LHFPL3: variants seen among roughly 807,000 people sequenced by gnomAD.
The protein encoded by LHFPL3 is LHFPL tetraspan subfamily member 3.
In LHFPL3, 5 loss-of-function variants were observed where a neutral mutation model predicts 19.3. The ratio of observed to expected loss-of-function variants is 0.26; its 90% CI spans 0.14 to 0.54. The LOEUF (loss-of-function observed/expected upper bound fraction) is 0.54, where lower values mean the gene tolerates loss of function less well. LHFPL3 is among the 20% of genes least tolerant of loss of function. LHFPL3 has a pLI of 0.94. For missense variants in LHFPL3, 249 were observed against 307.4 expected (o/e 0.81, Z 1.42); for synonymous variants, 133 against 126.2 (o/e 1.05, Z -0.36).
intron 2 of LHFPL3, among the ~76,000 whole-genome samples, chr7:104,772,015 T>C (rs949614329): frequency 1.3e-5 from 2 of 151,908 alleles, no homozygotes; most frequent in Admixed American, 6.6e-5. Context: ...AAAAGAGGTT[T>C]CACCATGTTG....
chr7:104,344,015 AATTAG>A (rs1438797789), intron 1 of LHFPL3, among the ~76,000 whole-genome samples: 3 of 152,128 alleles, frequency 2.0e-5, no homozygotes, highest in Admixed American at 6.6e-5. Context: ...TGCAAATACT[AATTAG>A]ATTAAAGGAG....
chr7:104,424,983 T>TAAAAAAAAAAAAAAAAAAAAAAAAAAA (rs71153196), intron 1 of LHFPL3, among the ~76,000 whole-genome samples: 4 of 65,188 alleles, frequency 6.1e-5, no homozygotes, highest in African/African-American at 2.6e-4. Flanking sequence ...CTCCATCTCA[T>TAAAAAAAAAAAAAAAAAAAAAAAAAAA]AAAAAAAAAA....
intron 1 of LHFPL3, among the ~76,000 whole-genome samples, chr7:104,555,160 T>G (rs1349816380): frequency 6.6e-6 from 1 of 152,184 alleles, no homozygotes; most frequent in Non-Finnish European, 1.5e-5. Flanking sequence ...GCTATCTAGG[T>G]ATCCATTAAG....
At chr7:104,575,116 G>A (rs12667073) in intron 1 of LHFPL3, among the ~76,000 whole-genome samples, 29,430 of 152,116 alleles carry the variant, frequency 0.19, 3,543 homozygotes, top group South Asian at 0.37. Context: ...GAAGACTAAA[G>A]AGGTTAAGAA....
intron 1 of LHFPL3, among the ~76,000 whole-genome samples, chr7:104,392,170 C>T (rs1791086095): frequency 6.6e-6 from 1 of 152,008 alleles, no homozygotes; most frequent in South Asian, 2.1e-4. Context: ...GATTGAATAC[C>T]CTTTATTTCT....
At chr7:104,361,961 G>A (rs1790396629) in intron 1 of LHFPL3, among the ~76,000 whole-genome samples, 1 of 152,220 alleles carries the variant, frequency 6.6e-6, no homozygotes, top group African/African-American at 2.4e-5. Context: ...CTTTTAAAGG[G>A]TTGGCATTAC....
rs575518725 is a variant in LHFPL3, at chr7:104,588,421, G to T, written c.446-148254G>T. ...TTGTCAGGTTTGTCAAAGATCAGAT[G>T]GTTGTAGATGTGTGGTATTATTTCT... On this transcript the variant is annotated intron_variant, in intron 1 of 2. Coordinates refer to ENST00000424859, the MANE Select transcript of LHFPL3 (RefSeq NM_199000.3). Among the ~76,000 whole-genome samples the T allele has an allele frequency of 9.9e-5, 15 of 152,232 alleles. No homozygotes were observed. The East Asian group carries it at 1.7e-3, about 18-fold the overall frequency.
intron 1 of LHFPL3, among the ~76,000 whole-genome samples, chr7:104,502,259 A>T (rs1456319712): frequency 1.3e-5 from 2 of 152,204 alleles, no homozygotes; most frequent in African/African-American, 4.8e-5. Flanking sequence ...CACCTGAAAG[A>T]GTTAAAATTT....
chr7:104,571,879 T>C (rs1272520636), intron 1 of LHFPL3, among the ~76,000 whole-genome samples: 1 of 152,206 alleles, frequency 6.6e-6, no homozygotes, highest in African/African-American at 2.4e-5. Flanking sequence ...CATTCTATTT[T>C]GGCAAAATCT....
intron 1 of LHFPL3, among the ~76,000 whole-genome samples, chr7:104,491,022 C>G (rs906176333): frequency 6.6e-6 from 1 of 152,162 alleles, no homozygotes; most frequent in Admixed American, 6.5e-5. Flanking sequence ...ATCTTGGAAT[C>G]TAGATCTCAA....
chr7:104,342,959 G>T (rs1182910568), intron 1 of LHFPL3, among the ~76,000 whole-genome samples: 1 of 151,428 alleles, frequency 6.6e-6, no homozygotes, highest in Non-Finnish European at 1.5e-5. Context: ...ATTTCATAAG[G>T]GCTGTTCCCT....
At chr7:104,709,881 G>T (rs1793267405) in intron 1 of LHFPL3, among the ~76,000 whole-genome samples, 1 of 149,410 alleles carries the variant, frequency 6.7e-6, no homozygotes, top group Non-Finnish European at 1.5e-5. Context: ...CCAGACGATG[G>T]GTGGCCAGGC....
At chr7:104,466,162 T>G (rs1358652485) in intron 1 of LHFPL3, among the ~76,000 whole-genome samples, 1 of 152,208 alleles carries the variant, frequency 6.6e-6, no homozygotes, top group Non-Finnish European at 1.5e-5. Flanking sequence ...TTAATAATAC[T>G]TTTACCCAGC....
At chr7:104,508,347 A>T (rs1793741570) in intron 1 of LHFPL3, among the ~76,000 whole-genome samples, 3 of 150,696 alleles carry the variant, frequency 2.0e-5, no homozygotes, top group African/African-American at 7.4e-5. Context: ...TTCTCAGTAA[A>T]CTATCACAAG....
chr7:104,879,757 G>A (rs766683894), intron 2 of LHFPL3, among the ~76,000 whole-genome samples: 1 of 152,212 alleles, frequency 6.6e-6, no homozygotes, highest in Admixed American at 6.5e-5. Context: ...AGAAACCACA[G>A]CAAGTTATCC....
Position 104,328,991 on chromosome 7 carries a change from G to A in LHFPL3, c.212G>A (p.Gly71Asp), listed in dbSNP as rs1432283426. ...IGDGVDTPQA[G>D]YFGLFHYCIG... ...GACGGCGTGGACACCCCGCAAGCCGGCTATTTCGGGCTCTTCCACTACTGC... is the reference window on the plus strand; with the variant it reads ...GACGGCGTGGACACCCCGCAAGCCGACTATTTCGGGCTCTTCCACTACTGC... Residue 71 changes from glycine to aspartate, a missense_variant, in exon 1 of 3, where the codon GGC becomes GAC. Physicochemically the swap from Gly to Asp is moderately conservative, Grantham distance 94. Coordinates refer to ENST00000424859, the MANE Select transcript of LHFPL3 (RefSeq NM_199000.3). The surrounding 1 kb of genome is among the most constrained non-coding windows in gnomAD (Gnocchi z 4.6). The A allele has an allele frequency of 6.2e-7, 1 of 1,614,180 alleles. No individual in the cohort carries two copies. The highest frequency in any genetic ancestry group is 8.5e-7 in the Non-Finnish European group (1 of 1,180,008).
chr7:104,549,590 C>T (rs1794632136), intron 1 of LHFPL3, among the ~76,000 whole-genome samples: 1 of 151,912 alleles, frequency 6.6e-6, no homozygotes, highest in Non-Finnish European at 1.5e-5. Context: ...CAAGATTTTG[C>T]TTTTATAATT....
intron 1 of LHFPL3, among the ~76,000 whole-genome samples, chr7:104,635,489 CA>C (rs1255259574): frequency 1.3e-5 from 2 of 152,046 alleles, no homozygotes; most frequent in African/African-American, 2.4e-5. Flanking sequence ...AACTTGTCAA[CA>C]GAAACATTAA....
At chr7:104,721,080 C>T (rs1248231747) in intron 1 of LHFPL3, among the ~76,000 whole-genome samples, 1 of 152,180 alleles carries the variant, frequency 6.6e-6, no homozygotes, top group East Asian at 1.9e-4. Flanking sequence ...TATAAAGACA[C>T]ATGCACATGT....
Sources: gnomAD v4.1 joint callset for allele counts (sites outside exome capture counted in the v4.1 genomes callset) on GRCh38, gnomAD v4.1.1 for gene constraint, Gnocchi (gnomAD v3.1) non-coding constraint, MANE v1.5 for transcripts, NCBI Gene and HGNC (gene_info 2026-07-23, HGNC 2026-07-21) for gene names.